Variants in SLIT3 observed in about 807,000 individuals in gnomAD.
SLIT3 encodes the protein slit guidance ligand 3.
A neutral mutation model predicts 184.0 loss-of-function variants in SLIT3; 68 were observed. The observed-to-expected ratio is 0.37, with a 90% CI of 0.30 to 0.45. The LOEUF (loss-of-function observed/expected upper bound fraction) is 0.45, where lower values mean the gene tolerates loss of function less well. Ranked by LOEUF, SLIT3 falls within the 20% of genes least tolerant of loss-of-function variation. SLIT3 has a pLI of 1.00. For synonymous variants in SLIT3, 831 were observed against 828.6 expected (o/e 1.00, Z -0.05); for missense variants, 1,707 against 2,026.0 (o/e 0.84, Z 3.02).
At chr5:169,155,335 A>G (rs2668062) in intron 4 of SLIT3, among the ~76,000 whole-genome samples, 105,394 of 152,104 alleles carry the variant, frequency 0.69, 37,490 homozygotes, top group African/African-American at 0.87. Context: ...GTCTGCAGCT[A>G]ATAGTGATCC....
rs1381157116 is a variant in SLIT3 at position 169,047,584 on chromosome 5, C to T, written c.413+145895G>A. 4.6e-5 allele frequency among the ~76,000 whole-genome samples: 7 copies of T among 151,472 alleles called. No individual in the cohort carries two copies. In the South Asian group the frequency reaches 8.4e-4, roughly 18 times the overall value. On this transcript the variant is annotated intron_variant, in intron 4 of 35. Transcript: ENST00000519560. ...CATCTGGAGACCTAGATGGAGCCTA[C>T]CCTTCCATCTAGCCTTATGTCCATC...
intron 23 of SLIT3, among the ~76,000 whole-genome samples, chr5:168,714,667 T>C (rs1398182577): frequency 2.0e-5 from 3 of 152,168 alleles, no homozygotes; most frequent in Admixed American, 6.5e-5. Flanking sequence ...CACTGCAGGT[T>C]CTCCATCCTG....
chr5:169,191,429 T>G (rs1763548163), intron 4 of SLIT3, among the ~76,000 whole-genome samples: 1 of 152,204 alleles, frequency 6.6e-6, no homozygotes, highest in Admixed American at 6.5e-5. Context: ...TCCTAGTCTC[T>G]TCATGCCTCC....
At chr5:169,073,750 G>C (rs1004500382) in intron 4 of SLIT3, among the ~76,000 whole-genome samples, 2 of 152,060 alleles carry the variant, frequency 1.3e-5, no homozygotes, top group Non-Finnish European at 2.9e-5. Context: ...GCCATGTGAT[G>C]TGAAGGCTCC....
chr5:169,233,044 T>A (rs1380436917), intron 3 of SLIT3, among the ~76,000 whole-genome samples: 1 of 152,106 alleles, frequency 6.6e-6, no homozygotes, highest in East Asian at 1.9e-4. Context: ...ATATTTATTT[T>A]GAGATAGAGT....
intron 4 of SLIT3, among the ~76,000 whole-genome samples, chr5:169,099,176 A>C (rs900147458): frequency 2.0e-5 from 3 of 152,076 alleles, no homozygotes; most frequent in African/African-American, 7.2e-5. Flanking sequence ...GGGATAAAAC[A>C]ACCTGAGGAA....
intron 4 of SLIT3, among the ~76,000 whole-genome samples, chr5:169,142,975 T>C (rs1201816958): frequency 1.3e-5 from 2 of 152,268 alleles, no homozygotes; most frequent in South Asian, 2.1e-4. Flanking sequence ...TCTTGCTATG[T>C]GAAGGGAGCC....
chr5:168,675,683 A>G (rs1761384746), intron 32 of SLIT3, among the ~76,000 whole-genome samples: 1 of 152,186 alleles, frequency 6.6e-6, no homozygotes, highest in Admixed American at 6.5e-5. Flanking sequence ...CCTGGGAAAC[A>G]TAGCACGACC....
intron 5 of SLIT3, among the ~76,000 whole-genome samples, chr5:168,856,523 G>A (rs1758874720): frequency 6.6e-6 from 1 of 152,104 alleles, no homozygotes; most frequent in African/African-American, 2.4e-5. Context: ...AGCTTGCTTT[G>A]GGGGTACTCC....
At chr5:168,860,108 A>C (rs1043352416) in intron 5 of SLIT3, among the ~76,000 whole-genome samples, 2 of 152,172 alleles carry the variant, frequency 1.3e-5, no homozygotes, top group Non-Finnish European at 2.9e-5. Flanking sequence ...GCAGCTATAG[A>C]GTTGTAAAAT....
At chr5:168,832,042 C>A (rs1279616918) in intron 6 of SLIT3, among the ~76,000 whole-genome samples, 1 of 152,224 alleles carries the variant, frequency 6.6e-6, no homozygotes, top group Non-Finnish European at 1.5e-5. Context: ...GAGATGATCA[C>A]AGATACTGCC....
At chr5:168,855,419 A>G (rs1758828590) in intron 5 of SLIT3, among the ~76,000 whole-genome samples, 1 of 152,242 alleles carries the variant, frequency 6.6e-6, no homozygotes, top group Non-Finnish European at 1.5e-5. Flanking sequence ...ACTTGCACAC[A>G]AATGTTCATA....
At chr5:168,926,891 C>T (rs1020132724) in intron 4 of SLIT3, among the ~76,000 whole-genome samples, 1 of 151,924 alleles carries the variant, frequency 6.6e-6, no homozygotes, top group Admixed American at 6.6e-5. Flanking sequence ...GTCAAGGATG[C>T]AGAGAAATTA....
chr5:169,005,601 C>G (rs965651889), intron 4 of SLIT3, among the ~76,000 whole-genome samples: 3 of 152,354 alleles, frequency 2.0e-5, no homozygotes, highest in South Asian at 4.1e-4. Context: ...AAATGACACT[C>G]ATGATATTAC....
At chr5:168,830,478 AAC>A (rs1189903967) in intron 6 of SLIT3, among the ~76,000 whole-genome samples, 6 of 152,180 alleles carry the variant, frequency 3.9e-5, no homozygotes, top group Non-Finnish European at 7.4e-5. Context: ...TTCTCCTGTG[AAC>A]ACACTACTTT....
intron 11 of SLIT3, among the ~76,000 whole-genome samples, chr5:168,788,165 G>A (rs1374632352): frequency 2.6e-5 from 4 of 152,090 alleles, no homozygotes; most frequent in Non-Finnish European, 5.9e-5. Flanking sequence ...AAGAGAGAGG[G>A]TGGGGGCAGA....
chr5:168,938,712 C>G (rs1762239916), intron 4 of SLIT3, among the ~76,000 whole-genome samples: 1 of 152,096 alleles, frequency 6.6e-6, no homozygotes, highest in Non-Finnish European at 1.5e-5. Context: ...CTCACTGCAA[C>G]CTCCTCCTCC....
intron 4 of SLIT3, among the ~76,000 whole-genome samples, chr5:168,966,928 C>A (rs931684582): frequency 1.3e-5 from 2 of 152,226 alleles, no homozygotes; most frequent in Non-Finnish European, 2.9e-5. Context: ...TCTTAACGTG[C>A]ACATAACTTT....
intron 1 of SLIT3, among the ~76,000 whole-genome samples, chr5:169,282,843 A>T (rs57744510): frequency 0.015 from 2,344 of 152,296 alleles, 35 homozygotes; most frequent in East Asian, 0.068. Context: ...GAATTTCTTG[A>T]GGTCAATTTT....
Sources: allele counts gnomAD v4.1 joint callset (sites outside exome capture counted in the v4.1 genomes callset), GRCh38; gene constraint gnomAD v4.1.1; transcripts MANE v1.5; gene names NCBI Gene and HGNC (gene_info 2026-07-23, HGNC 2026-07-21).